Variants in GABBR2 observed in about 807,000 individuals in gnomAD.
The protein encoded by GABBR2 is G-protein coupled receptor 51.
GABBR2 carries 23 observed loss-of-function variants against 105.6 expected under a neutral mutation model. That is an observed-to-expected ratio of 0.22 (90% confidence interval 0.16 to 0.31). The LOEUF is 0.31. GABBR2 is among the 10% of genes least tolerant of loss of function. The pLI is 1.00. For missense variants in GABBR2, 734 were observed against 1,245.5 expected, an observed-to-expected ratio of 0.59 and a Z score of 6.18; for synonymous variants, 478 against 499.7, an observed-to-expected ratio of 0.96 and a Z score of 0.58.
chr9:98,602,368 A>G (rs1413463266), intron 1 of GABBR2, among the ~76,000 whole-genome samples: 1 of 150,256 alleles, frequency 6.7e-6, no homozygotes, highest in Non-Finnish European at 1.5e-5. Flanking sequence ...GCTACTTGGA[A>G]GGCTGAGGCA....
intron 13 of GABBR2, among the ~76,000 whole-genome samples, chr9:98,323,831 C>T (rs569903564): frequency 1.8e-3 from 268 of 152,298 alleles, no homozygotes; most frequent in African/African-American, 6.1e-3. Flanking sequence ...AAGTCCAAGC[C>T]CAGCTTGGCG....
rs117828663 is a variant in GABBR2, at chr9:98,620,091, G to A, written c.322-42019C>T. 4.3e-3 allele frequency among the ~76,000 whole-genome samples: 650 copies of A among 152,300 alleles called. 15 individuals carry two copies. The East Asian group carries it at 0.049, about 11-fold the overall frequency. ...CTGGCCCAGAGCCTGGCCCACAGGA[G>A]GCAGTCAGCAAATGCCAATTCTCCC... On this transcript the variant is annotated intron_variant, in intron 1 of 18. Coordinates refer to ENST00000259455, the MANE Select transcript of GABBR2 (RefSeq NM_005458.8).
At chr9:98,299,188 G>C (rs748623294) in intron 17 of GABBR2, 36 bp downstream of exon 17, 88 of 1,595,482 alleles carry the variant, frequency 5.5e-5, no homozygotes, top group Admixed American at 4.9e-4. Context: ...TTGAAACCAA[G>C]GTCCCTACCA....
intron 1 of GABBR2, among the ~76,000 whole-genome samples, chr9:98,677,603 A>G (rs1477159060): frequency 1.3e-5 from 2 of 152,206 alleles, no homozygotes; most frequent in Non-Finnish European, 2.9e-5. Context: ...AGATAAGTCA[A>G]ATCATGTCAT....
intron 1 of GABBR2, among the ~76,000 whole-genome samples, chr9:98,579,490 A>G (rs1828970171): frequency 6.6e-6 from 1 of 152,154 alleles, no homozygotes; most frequent in Admixed American, 6.5e-5. Context: ...CCCCATGGGC[A>G]AGTTCAACCC....
intron 1 of GABBR2, among the ~76,000 whole-genome samples, chr9:98,623,572 G>A (rs958321521): frequency 1.3e-5 from 2 of 152,196 alleles, no homozygotes; most frequent in African/African-American, 4.8e-5. Context: ...AGCCACTAAG[G>A]AAGAACCCAT....
chr9:98,293,536 G>A (rs1830333562), intron 18 of GABBR2, among the ~76,000 whole-genome samples: 1 of 152,240 alleles, frequency 6.6e-6, no homozygotes, highest in East Asian at 1.9e-4. Context: ...GGGATTTGAT[G>A]TTGGAAAGAT....
intron 7 of GABBR2, among the ~76,000 whole-genome samples, chr9:98,438,455 T>C (rs1038422550): frequency 1.3e-5 from 2 of 152,210 alleles, no homozygotes; most frequent in Admixed American, 1.3e-4. Flanking sequence ...CTCTCTGATG[T>C]ATCTGTTCAC....
At chr9:98,481,136 C>A in intron 4 of GABBR2, 139 bp from the exon 5 acceptor site, 1 of 673,468 alleles carries the variant, frequency 1.5e-6, no homozygotes, top group Non-Finnish European at 2.7e-6. Flanking sequence ...AGGGCAGAAC[C>A]TCACCCCCAA....
chr9:98,398,628 T>G (rs1175781760), intron 8 of GABBR2, among the ~76,000 whole-genome samples: 2 of 152,110 alleles, frequency 1.3e-5, no homozygotes, highest in Non-Finnish European at 2.9e-5. Context: ...CTGACCATCC[T>G]TCAGACTTGG....
intron 7 of GABBR2, among the ~76,000 whole-genome samples, chr9:98,438,426 G>A (rs1825972481): frequency 6.6e-6 from 1 of 152,116 alleles, no homozygotes. Context: ...AAGAAGTAGG[G>A]GACAGGGATG....
chr9:98,444,879 GCACACACA>G (rs34280193), intron 7 of GABBR2, among the ~76,000 whole-genome samples: 3 of 151,046 alleles, frequency 2.0e-5, no homozygotes, highest in African/African-American at 4.8e-5. Flanking sequence ...GCGCGCGCGC[GCACACACA>G]CACACACACA....
chr9:98,340,700 T>A (rs925245045), intron 13 of GABBR2, among the ~76,000 whole-genome samples: 2 of 152,190 alleles, frequency 1.3e-5, no homozygotes, highest in African/African-American at 4.8e-5. Context: ...GGGTACCCCA[T>A]AAATGCTGAA....
chr9:98,350,478 T>C (rs568510886), intron 13 of GABBR2, among the ~76,000 whole-genome samples: 50 of 152,336 alleles, frequency 3.3e-4, no homozygotes, highest in African/African-American at 1.2e-3. Context: ...AATTCCTTTC[T>C]TAATTTCTTC....
chr9:98,641,135 TTTTTTTTTTTC>T (rs1829955745), intron 1 of GABBR2, among the ~76,000 whole-genome samples: 1 of 150,742 alleles, frequency 6.6e-6, no homozygotes, highest in African/African-American at 2.4e-5. Flanking sequence ...TTTGGTTTTT[TTTTTTTTTTTC>T]TTTTTGAGAC....
chr9:98,538,844 C>T (rs2131737201), intron 3 of GABBR2, among the ~76,000 whole-genome samples: 1 of 152,316 alleles, frequency 6.6e-6, no homozygotes, highest in East Asian at 1.9e-4. Flanking sequence ...GCCTGCACTC[C>T]AGCGATGCAG....
intron 1 of GABBR2, among the ~76,000 whole-genome samples, chr9:98,701,678 G>A (rs1830831518): frequency 6.6e-6 from 1 of 152,134 alleles, no homozygotes; most frequent in South Asian, 2.1e-4. Context: ...GCCAGCAGGG[G>A]AGAAAGTGAC....
chr9:98,587,784 A>G (rs772768801), intron 1 of GABBR2, among the ~76,000 whole-genome samples: 2 of 152,220 alleles, frequency 1.3e-5, no homozygotes, highest in African/African-American at 2.4e-5. Flanking sequence ...TTGGAGAGAC[A>G]TTTTGGAAAC....
At chr9:98,320,268 C>T (rs1167226982) in intron 13 of GABBR2, among the ~76,000 whole-genome samples, 1 of 151,640 alleles carries the variant, frequency 6.6e-6, no homozygotes, top group African/African-American at 2.4e-5. Flanking sequence ...CAAATCAAAA[C>T]GACAATGAGA....
Sources: gnomAD v4.1 joint callset for allele counts (sites outside exome capture counted in the v4.1 genomes callset) on GRCh38, gnomAD v4.1.1 for gene constraint, MANE v1.5 for transcripts, NCBI Gene and HGNC (gene_info 2026-07-23, HGNC 2026-07-21) for gene names.